Variants in TBX21 observed in about 807,000 individuals in gnomAD.
TBX21 encodes the protein T-box transcription factor 21.
A neutral mutation model predicts 52.2 loss-of-function variants in TBX21; 11 were observed. The ratio of observed to expected loss-of-function variants is 0.21; its 90% CI spans 0.13 to 0.35. The LOEUF is 0.35. Among genes scored for constraint, TBX21 ranks in the 10% least tolerant of loss-of-function variants. TBX21 has a pLI of 1.00. For synonymous variants in TBX21, 300 were observed against 316.1 expected (o/e 0.95, Z 0.54); for missense variants, 625 against 755.1 (o/e 0.83, Z 2.02).
At chr17:47,744,381 A>T (rs773285046) in intron 4 of TBX21, 28 bp downstream of exon 4, 1 of 1,614,058 alleles carries the variant, frequency 6.2e-7, no homozygotes, top group East Asian at 2.2e-5. Flanking sequence ...CCCGGTGGGG[A>T]GGAGGGCAGA....
chr17:47,742,829 A>G lies in TBX21; in HGVS notation c.646+65A>G. ...GGACTGGGCGCCCCCTGGTGGGCCC[A>G]CCAAGCCCCTACCCCTAATTCCTAG... On this transcript the variant is annotated intron_variant, in intron 2 of 5. Coordinates refer to ENST00000177694, the MANE Select transcript of TBX21 (RefSeq NM_013351.2). The surrounding 1 kb of genome is among the most constrained non-coding windows in gnomAD (Gnocchi z 4.4). 1 of 1,505,718 alleles carries G rather than the reference A, an allele frequency of 6.6e-7. No homozygotes were observed. Among genetic ancestry groups the G allele is most frequent in the Non-Finnish European group, 8.9e-7 (1 of 1,125,754 alleles). 93.3% of individuals were successfully genotyped at this position (1,505,718 alleles called of 1,614,324 possible). A position where few individuals can be genotyped will look rare whatever the true frequency, so the allele number is the denominator to read the frequency against.
chr17:47,734,058 G>T, intron 1 of TBX21, 113 bp downstream of exon 1: 1 of 1,551,432 alleles, frequency 6.4e-7, no homozygotes, highest in Non-Finnish European at 8.8e-7. Context: ...CACTGCTTTG[G>T]CTTCAGCGTA....
intron 1 of TBX21, among the ~76,000 whole-genome samples, chr17:47,736,890 C>T (rs2143424346): frequency 6.6e-6 from 1 of 152,314 alleles, no homozygotes; most frequent in African/African-American, 2.4e-5. Context: ...GGCCCACCTA[C>T]AGCCTACAGC....
intron 1 of TBX21, among the ~76,000 whole-genome samples, chr17:47,740,007 C>T (rs542432554): frequency 1.3e-5 from 2 of 152,230 alleles, no homozygotes; most frequent in South Asian, 2.1e-4. Flanking sequence ...CACCGAGGAC[C>T]GTCACCAAAC....
Position 47,742,749 on chromosome 17 carries a change from G to A in TBX21, c.631G>A (p.Glu211Lys), listed in dbSNP as rs773673683. The change falls in exon 2 of 6, where the codon GAG becomes AAG. Residue 211 changes from glutamate (E) to lysine (K), a missense_variant. Glu to Lys is a moderately conservative substitution (Grantham distance 56). Transcript: ENST00000177694. The surrounding 1 kb of genome is among the most constrained non-coding windows in gnomAD (Gnocchi z 4.4). ...SGKWVQCGKA[E>K]GSMPGNRLYV... ...CAAGTGGGTGCAGTGTGGAAAGGCC[G>A]AGGGCAGCATGCCAGGTGCGCGCGC... The A allele has an allele frequency of 3.2e-6, 5 of 1,574,860 alleles. No homozygotes were observed. The highest frequency in any genetic ancestry group is 2.3e-5 in the East Asian group (1 of 43,288).
In TBX21 at chr17:47,743,313, G is replaced by A. The variant is rs965367669; in HGVS notation, c.768+121G>A. 12 of 1,380,774 alleles carry A rather than the reference G, an allele frequency of 8.7e-6. No homozygotes were observed. In the African/African-American group the frequency reaches 1.6e-4, roughly 19 times the overall value. 85.5% of individuals were successfully genotyped at this position (1,380,774 alleles called of 1,614,324 possible). On this transcript the variant is annotated intron_variant, in intron 3 of 5. Transcript: ENST00000177694. ...CATTTTTTCTTCCTTCCTACAGGAA[G>A]GAAGGTTCGTTTTTCTTCTGTCCTA...
At position 47,744,288 on chromosome 17, in the gene TBX21, A is replaced by G; in HGVS notation, c.862A>G (p.Asn288Asp). 6.2e-7 allele frequency: 1 copy of G among 1,614,208 alleles called. No individual in the cohort carries two copies. Among genetic ancestry groups the G allele is most frequent in the Non-Finnish European group, 8.5e-7 (1 of 1,180,034 alleles). Residue 288 changes from asparagine to aspartate, a missense_variant, in exon 4 of 6, where the codon AAC becomes GAC. Around this residue, in one of 4 missense-constraint regions of TBX21, gnomAD observed 142 missense variants for 258.5 expected, o/e 0.55. Transcript: ENST00000177694. ...GEPEAACNAS[N>D]THIFTFQETQ... ...GCCAGAGGCAGCCTGCAACGCTTCC[A>G]ACACGCATATCTTTACTTTCCAAGA...
At position 47,733,556 on chromosome 17, in the gene TBX21, C is replaced by T. The variant is rs1783360493; in HGVS notation, c.102C>T (p.Arg34=). 6.7e-7 allele frequency: 1 copy of T among 1,486,104 alleles called. No homozygotes were observed. The highest frequency in any genetic ancestry group is 1.5e-5 in the African/African-American group (1 of 68,318). The allele number at this position is 1,486,104 out of a possible 1,614,324, so 92.1% of individuals were successfully genotyped here. The change falls in exon 1 of 6, where the codon CGC becomes CGT. Residue 34 remains arginine (R), a synonymous_variant. Coordinates refer to ENST00000177694, the MANE Select transcript of TBX21 (RefSeq NM_013351.2). The surrounding 1 kb of genome is among the most constrained non-coding windows in gnomAD (Gnocchi z 6.6). ...CGCCTGGCGCCGACCCGCAGCACCG[C>T]TACTTCTACCCGGAGCCGGGCGCGC... ...GRAPGADPQH[R]YFYPEPGAQD... is the part of the protein sequence containing the mutation.
rs967623871 is a variant in TBX21, at chr17:47,743,114, G to T, written c.690G>T (p.Ala230=). The stretch of plus-strand genomic sequence containing the variant: ...ACCCGGACTCCCCCAACACAGGAGC[G>T]CACTGGATGCGCCAGGAAGTTTCAT... ...YVHPDSPNTG[A]HWMRQEVSFG... Residue 230 remains alanine, a synonymous_variant, in exon 3 of 6, where the codon GCG becomes GCT. Transcript: ENST00000177694. 8.1e-6 allele frequency: 13 copies of T among 1,614,056 alleles called. No individual in the cohort carries two copies. The highest frequency in any genetic ancestry group is 3.3e-5 in the South Asian group (3 of 91,086).
chr17:47,738,170 T>A (rs2032228638), intron 1 of TBX21, among the ~76,000 whole-genome samples: 1 of 152,178 alleles, frequency 6.6e-6, no homozygotes, highest in Non-Finnish European at 1.5e-5. Context: ...AAAATTTTTT[T>A]TAAATGAGAC....
chr17:47,738,335 T>G (rs1258933247), intron 1 of TBX21, among the ~76,000 whole-genome samples: 1 of 152,128 alleles, frequency 6.6e-6, no homozygotes, highest in Non-Finnish European at 1.5e-5. Context: ...TTGTTTCTAT[T>G]TTTTGTAGAG....
In TBX21 at chr17:47,744,821, T is replaced by C. The variant is rs759136182; in HGVS notation, c.1063T>C (p.Tyr355His). 4.6e-5 allele frequency: 74 copies of C among 1,614,094 alleles called. No homozygotes were observed. Among genetic ancestry groups the C allele is most frequent in the Non-Finnish European group, 6.0e-5 (71 of 1,180,028 alleles). ...CTGTCAATTCCTTGGGGGAGATCAC[T>C]ACTCTCCTCTCCTACCCAACCAGTA... Reference protein sequence around the residue: ...PNCQFLGGDHYSPLLPNQYPV... With the variant: ...PNCQFLGGDHHSPLLPNQYPV... The change falls in exon 6 of 6, where the codon TAC becomes CAC. Residue 355 changes from tyrosine to histidine, a missense_variant. By Grantham distance (83) the Tyr-to-His change is moderately conservative. Coordinates refer to ENST00000177694, the MANE Select transcript of TBX21 (RefSeq NM_013351.2).
chr17:47,734,631 G>C (rs1171040436), intron 1 of TBX21, among the ~76,000 whole-genome samples: 1 of 143,508 alleles, frequency 7.0e-6, no homozygotes, highest in Non-Finnish European at 1.5e-5. Context: ...GGGTGTGTGT[G>C]TATGGGGGCT....
chr17:47,739,950 G>A (rs954973346), intron 1 of TBX21, among the ~76,000 whole-genome samples: 4 of 151,842 alleles, frequency 2.6e-5, no homozygotes, highest in African/African-American at 9.7e-5. Flanking sequence ...GGGGACCACA[G>A]AGCACAGCAT....
chr17:47,733,868 G>T lies in TBX21; in HGVS notation c.414G>T (p.Arg138Ser). The change falls in exon 1 of 6, where the codon AGG (arginine) becomes AGT (serine). Residue 138 changes from arginine (R) to serine (S), a missense_variant. By Grantham distance (110) the Arg-to-Ser change is moderately radical. Coordinates refer to ENST00000177694, the MANE Select transcript of TBX21 (RefSeq NM_013351.2). The surrounding 1 kb of genome is among the most constrained non-coding windows in gnomAD (Gnocchi z 6.6). ...PAGLEVSGKL[R>S]VALNNHLLWS... ...GACTGGAGGTGTCGGGGAAACTGAG[G>T]GTCGCGCTCAACAACCACCTGTTGT... 1 of 1,613,114 alleles carries T rather than the reference G, an allele frequency of 6.2e-7. No individual in the cohort carries two copies. Among genetic ancestry groups the T allele is most frequent in the Non-Finnish European group, 8.5e-7 (1 of 1,179,804 alleles).
intron 1 of TBX21, among the ~76,000 whole-genome samples, chr17:47,738,302 C>T (rs1035140739): frequency 6.6e-6 from 1 of 152,090 alleles, no homozygotes; most frequent in Non-Finnish European, 1.5e-5. Context: ...GGACTATAGG[C>T]GCACATCACC....
Position 47,733,907 on chromosome 17 carries a change from T to C in TBX21, c.453T>C (p.Asn151=). 1 of 1,613,592 alleles carries C rather than the reference T, an allele frequency of 6.2e-7. No homozygotes were observed. Among genetic ancestry groups the C allele is most frequent in the Non-Finnish European group, 8.5e-7 (1 of 1,179,850 alleles). ...ACCACCTGTTGTGGTCCAAGTTTAA[T>C]CAGCACCAGACAGAGATGATCATCA... The part of the protein sequence containing the change: ...LNNHLLWSKF[N]QHQTEMIITK... The change falls in exon 1 of 6, where the codon AAT becomes AAC. Residue 151 remains asparagine, a synonymous_variant. Coordinates refer to ENST00000177694, the MANE Select transcript of TBX21 (RefSeq NM_013351.2). The surrounding 1 kb of genome is among the most constrained non-coding windows in gnomAD (Gnocchi z 6.6).
At chr17:47,743,602 C>T (rs1328529215) in intron 3 of TBX21, among the ~76,000 whole-genome samples, 1 of 151,688 alleles carries the variant, frequency 6.6e-6, no homozygotes, top group Non-Finnish European at 1.5e-5. Context: ...CCCTTGCTGG[C>T]TGGGTGTGGT....
In TBX21 at chr17:47,741,452, C is replaced by A. The variant is rs1002198791; in HGVS notation, c.492-1158C>A. ...ACAACAGCGGAATCATACAGCATCC[C>A]ACCCCCTAACTTCCTCTACTTTTCC... On this transcript the variant is annotated intron_variant, in intron 1 of 5. Coordinates refer to ENST00000177694, the MANE Select transcript of TBX21 (RefSeq NM_013351.2). 3.6e-4 allele frequency among the ~76,000 whole-genome samples: 55 copies of A among 152,100 alleles called. 1 individual carries two copies. Among genetic ancestry groups the A allele is most frequent in the African/African-American group, 1.3e-3 (52 of 41,410 alleles).
Sources: allele counts gnomAD v4.1 joint callset (sites outside exome capture counted in the v4.1 genomes callset), GRCh38; gene constraint gnomAD v4.1.1; regional missense constraint gnomAD v4.1.1; non-coding constraint Gnocchi (gnomAD v3.1); transcripts MANE v1.5; gene names NCBI Gene and HGNC (gene_info 2026-07-23, HGNC 2026-07-21).